EPHA10: variants seen among roughly 807,000 people sequenced by gnomAD.
EPHA10 encodes EPH receptor A10, also known as ephrin type-A receptor 10.
Under a neutral mutation model 109.7 loss-of-function variants are expected in EPHA10, and 120 were observed. The ratio of observed to expected loss-of-function variants is 1.09; its 90% CI spans 0.94 to 1.27. The LOEUF (loss-of-function observed/expected upper bound fraction) is 1.27. Among genes scored for constraint, EPHA10 ranks in the 50% most tolerant of loss-of-function variants. EPHA10 has a pLI of 0.00. For missense variants in EPHA10, 1,396 were observed against 1,411.1 expected (o/e 0.99, Z 0.17); for synonymous variants, 640 against 618.9 (o/e 1.03, Z -0.51).
intron 5 of EPHA10, among the ~76,000 whole-genome samples, chr1:37,746,848 G>C (rs942406736): frequency 6.6e-6 from 1 of 152,208 alleles, no homozygotes; most frequent in Non-Finnish European, 1.5e-5. Flanking sequence ...ATTATGCTAA[G>C]TGAGAGAAGC....
chr1:37,715,376 G>A (rs907631143), downstream of EPHA10, among the ~76,000 whole-genome samples: 1 of 152,052 alleles, frequency 6.6e-6, no homozygotes, highest in Non-Finnish European at 1.5e-5. Flanking sequence ...AGCAGCAATG[G>A]CACAGCTCCT....
chr1:37,741,720 A>G (rs923893870), intron 5 of EPHA10, among the ~76,000 whole-genome samples: 5 of 151,834 alleles, frequency 3.3e-5, no homozygotes, highest in East Asian at 1.9e-4. Flanking sequence ...AAATAACTCA[A>G]AAAAATCCTT....
chr1:37,761,607 C>T lies in EPHA10; in HGVS notation c.648G>A (p.Arg216=). Residue 216 remains arginine (R), a synonymous_variant, in exon 3 of 17, where the codon CGG becomes CGA. Transcript: ENST00000373048. ...VYYKQCRATV[R]GLATFPATAA... ...CGGTGGCTGGGAACGTGGCCAGGCC[C>T]CGCACGGTGGCGCGGCACTGCTTGT... 6.2e-7 allele frequency: 1 copy of T among 1,602,780 alleles called. No homozygotes were observed. The highest frequency in any genetic ancestry group is 1.1e-5 in the South Asian group (1 of 90,900).
At position 37,754,300 on chromosome 1, in the gene EPHA10, C is replaced by T. The variant is rs374155595; in HGVS notation, c.921G>A (p.Arg307=). Residue 307 remains arginine (R), a synonymous_variant, in exon 4 of 17, where the codon CGG becomes CGA. Transcript: ENST00000373048. The surrounding 1 kb of genome is among the most constrained non-coding windows in gnomAD (Gnocchi z 4.5). ...PLCSPCPEHS[R]ALENASTFCV... The stretch of plus-strand genomic sequence containing the variant: ...AGAAGGTGGAGGCGTTTTCCAGGGC[C>T]CGGCTGTGCTCTGGGCACGGTGAGC... 6.1e-6 allele frequency: 8 copies of T among 1,321,178 alleles called. No individual in the cohort carries two copies. The Admixed American group carries it at 1.6e-4, about 27-fold the overall frequency. 81.8% of individuals were successfully genotyped at this position (1,321,178 alleles called of 1,614,324 possible).
At chr1:37,729,555 G>A (rs534693985) in intron 7 of EPHA10, among the ~76,000 whole-genome samples, 20 of 151,544 alleles carry the variant, frequency 1.3e-4, no homozygotes, top group South Asian at 8.4e-4. Context: ...AGATTCCATC[G>A]CTCTTTTTAA....
At position 37,754,616 on chromosome 1, in the gene EPHA10, C is replaced by T. The variant is rs1221639245; in HGVS notation, c.851-246G>A. 7.6e-6 allele frequency among the ~76,000 whole-genome samples: 1 copy of T among 131,232 alleles called. No individual in the cohort carries two copies. Among genetic ancestry groups the T allele is most frequent in the Non-Finnish European group, 1.6e-5 (1 of 63,194 alleles). 86.1% of individuals were successfully genotyped at this position (131,232 alleles called of 152,430 possible). Reference sequence around the variant, plus strand: ...TTTCAGCCGGGCGCGGTGGCTCATGCCTGTAATCCCAGCACTTTGGAAGGC... The same window carrying T: ...TTTCAGCCGGGCGCGGTGGCTCATGTCTGTAATCCCAGCACTTTGGAAGGC... On this transcript the variant is annotated intron_variant, in intron 3 of 16. Coordinates refer to ENST00000373048, the MANE Select transcript of EPHA10 (RefSeq NM_001099439.2). This position sits in a 1 kb window ranked among gnomAD's most constrained non-coding sequence, Gnocchi z 4.5.
intron 3 of EPHA10, among the ~76,000 whole-genome samples, chr1:37,755,172 T>C (rs186418997): frequency 1.2e-4 from 18 of 152,288 alleles, no homozygotes; most frequent in African/African-American, 3.6e-4. Context: ...TCCCGCAGCC[T>C]GTGGGATCCC....
intron 8 of EPHA10, among the ~76,000 whole-genome samples, chr1:37,725,894 C>T (rs1044673947): frequency 2.0e-5 from 3 of 152,176 alleles, no homozygotes; most frequent in Admixed American, 6.5e-5. Context: ...ACACCCAGGA[C>T]GGTGTGAGAG....
In EPHA10 at chr1:37,761,723, G is replaced by A. The variant is rs752199599; in HGVS notation, c.532C>T (p.Arg178Cys). ...ERKMKLNTEV[R>C]EIGPLSRRGF... The stretch of plus-strand genomic sequence containing the variant: ...CGCCGGCTGAGCGGTCCGATCTCGC[G>A]CACCTCTGTGTTCAGCTTCATCTTG... The change falls in exon 3 of 17, where the codon CGC becomes TGC. Residue 178 changes from arginine to cysteine, a missense_variant. By Grantham distance (180) the Arg-to-Cys change is radical. Transcript: ENST00000373048. The A allele has an allele frequency of 1.1e-5, 18 of 1,613,624 alleles. No homozygotes were observed. The highest frequency in any genetic ancestry group is 1.5e-5 in the Non-Finnish European group (18 of 1,179,912).
At chr1:37,740,463 G>A (rs889296987) in intron 5 of EPHA10, among the ~76,000 whole-genome samples, 43 of 151,902 alleles carry the variant, frequency 2.8e-4, no homozygotes, top group African/African-American at 9.9e-4. Context: ...CCGCCACCAC[G>A]CCCAGCTAAT....
In EPHA10 at chr1:37,721,727, G is replaced by A. The variant is rs113277593; in HGVS notation, c.2079C>T (p.Ala693=). 3.5e-4 allele frequency: 557 copies of A among 1,612,378 alleles called. 1 individual carries two copies. The South Asian group carries it at 4.6e-3, about 13-fold the overall frequency. The change falls in exon 11 of 17, where the codon GCC becomes GCT. Residue 693 remains alanine (A), a synonymous_variant. Transcript: ENST00000373048. ...CAAACTGGCCCAGCGTGAGGGCCTC[G>A]GCCAGGAAGCCGAGCCTCTGTGAGT... ...ASDSQRLGFL[A]EALTLGQFDH...
chr1:37,735,570 G>A (rs997608654), intron 5 of EPHA10, among the ~76,000 whole-genome samples, 180 bp from the exon 6 acceptor site: 4 of 152,112 alleles, frequency 2.6e-5, no homozygotes, highest in Admixed American at 2.6e-4. Context: ...AAGGAGAGGA[G>A]TCTGTGGGAC....
In EPHA10 at chr1:37,718,504, C is replaced by G; in HGVS notation, c.2913-18G>C. ...CCAGGTCCCTGAAACAAAGGCTGGT[C>G]ACACTCGGCTGGCTTGTCCCCAACT... On this transcript the variant is annotated intron_variant, in intron 16 of 16. Coordinates refer to ENST00000373048, the MANE Select transcript of EPHA10 (RefSeq NM_001099439.2). 6.2e-7 allele frequency: 1 copy of G among 1,613,042 alleles called. No individual in the cohort carries two copies.
chr1:37,722,107 G>C (rs1056330977), intron 10 of EPHA10: 5 of 384,770 alleles, frequency 1.3e-5, no homozygotes, highest in Non-Finnish European at 1.4e-5. Flanking sequence ...CTTCAGACTG[G>C]GTGACAGAGC....
intron 3 of EPHA10, among the ~76,000 whole-genome samples, chr1:37,757,238 G>A (rs1056756185): frequency 6.7e-6 from 1 of 149,386 alleles, no homozygotes; most frequent in Non-Finnish European, 1.5e-5. Flanking sequence ...CAAAAGTCAA[G>A]GTCACTAAAG....
chr1:37,740,650 A>G (rs1488995413), intron 5 of EPHA10, among the ~76,000 whole-genome samples: 1 of 152,126 alleles, frequency 6.6e-6, no homozygotes, highest in South Asian at 2.1e-4. Flanking sequence ...GCGTGCAGAC[A>G]AGTTTGAGAA....
intron 4 of EPHA10, 51 bp from the exon 5 acceptor site, chr1:37,753,277 AGAGGGGCGGGATGCACGAGGGG>A: frequency 3.9e-6 from 1 of 259,566 alleles, no homozygotes; most frequent in African/African-American, 4.6e-5. Context: ...GGTGCCCGTG[AGAGGGGCGGGATGCACGAGGGG>A]GGGGCGGGGT....
At chr1:37,759,184 G>A (rs1412258008) in intron 3 of EPHA10, among the ~76,000 whole-genome samples, 1 of 152,106 alleles carries the variant, frequency 6.6e-6, no homozygotes, top group East Asian at 1.9e-4. Flanking sequence ...TCAGATCCCT[G>A]CTTCAGATCC....
Position 37,718,453 on chromosome 1 carries a change from T to C in EPHA10, c.2946A>G (p.Glu982=). 1 of 1,613,446 alleles carries C rather than the reference T, an allele frequency of 6.2e-7. No homozygotes were observed. The highest frequency in any genetic ancestry group is 8.5e-7 in the Non-Finnish European group (1 of 1,180,018). The change falls in exon 17 of 17, where the codon GAA becomes GAG. Residue 982 remains glutamate, a synonymous_variant. Transcript: ENST00000373048. ...DLVSLGISLA[E]HREALLSGIS... The stretch of plus-strand genomic sequence containing the variant: ...TCCCGCTGAGGAGGGCCTCTCGATG[T>C]TCAGCCAAAGAGATGCCTAGGCTCA...
Sources: gnomAD v4.1 joint callset for allele counts (sites outside exome capture counted in the v4.1 genomes callset) on GRCh38, gnomAD v4.1.1 for gene constraint, Gnocchi (gnomAD v3.1) non-coding constraint, MANE v1.5 for transcripts, NCBI Gene and HGNC (gene_info 2026-07-23, HGNC 2026-07-21) for gene names.